The following COBLL1 variants were observed in gnomAD, a reference collection of about 807,000 sequenced individuals.
COBLL1 encodes the protein cordon-bleu WH2 repeat protein like 1.
A neutral mutation model predicts 94.8 loss-of-function variants in COBLL1; 50 were observed. That is an observed-to-expected ratio of 0.53 (90% CI 0.42 to 0.67). The LOEUF (loss-of-function observed/expected upper bound fraction) is 0.67, where lower values mean the gene tolerates loss of function less well. Among genes scored for constraint, COBLL1 ranks in the 30% least tolerant of loss-of-function variants. COBLL1 has a pLI of 0.00. For missense variants in COBLL1, 1,362 were observed against 1,348.7 expected (o/e 1.01, Z -0.15); for synonymous variants, 448 against 473.8 (o/e 0.95, Z 0.71).
chr2:164,840,103 G>A (rs756333547), intron 2 of COBLL1, among the ~76,000 whole-genome samples: 82 of 152,264 alleles, frequency 5.4e-4, no homozygotes, highest in South Asian at 1.0e-3. Context: ...GGAAACGCCT[G>A]TCATGTTCCA....
At chr2:164,686,771 T>C (rs979486394) in intron 13 of COBLL1, among the ~76,000 whole-genome samples, 1 of 152,186 alleles carries the variant, frequency 6.6e-6, no homozygotes, top group Admixed American at 6.5e-5. Flanking sequence ...TAAATACCTA[T>C]ATTTTGAAAC....
At chr2:164,737,788 A>G (rs1264493791) in intron 3 of COBLL1, among the ~76,000 whole-genome samples, 1 of 151,992 alleles carries the variant, frequency 6.6e-6, no homozygotes, top group Non-Finnish European at 1.5e-5. Context: ...CTTTTTCCCA[A>G]TAGGTGGCGC....
chr2:164,780,044 C>T (rs540718905), intron 2 of COBLL1, among the ~76,000 whole-genome samples: 1 of 152,216 alleles, frequency 6.6e-6, no homozygotes, highest in Admixed American at 6.5e-5. Context: ...CTCTGCTATC[C>T]TACAATTCAA....
In COBLL1 at chr2:164,682,466, C is replaced by T. The variant is rs574670340; in HGVS notation, c.*3480G>A. The T allele has an allele frequency of 6.6e-6, 1 of 152,170 alleles. No individual in the cohort carries two copies. The highest frequency in any genetic ancestry group is 1.9e-4 in the East Asian group (1 of 5,166). The allele number at this position is 152,170 out of a possible 1,614,324, so 9.4% of individuals were successfully genotyped here. ...TTGGGACGCTTTGGGTTTTAAGCAC[C>T]TATAAGTAACTAAGTCTCAGGACAA... On this transcript the variant is annotated 3_prime_UTR_variant, in exon 14 of 14. Coordinates refer to ENST00000652658, the MANE Select transcript of COBLL1 (RefSeq NM_001365672.2).
chr2:164,787,327 G>A (rs910767146), intron 2 of COBLL1, among the ~76,000 whole-genome samples: 1 of 152,116 alleles, frequency 6.6e-6, no homozygotes, highest in South Asian at 2.1e-4. Context: ...TGATTATAAT[G>A]TATCAAATAC....
intron 2 of COBLL1, among the ~76,000 whole-genome samples, chr2:164,745,055 G>GA (rs1686798085): frequency 6.6e-6 from 1 of 152,100 alleles, no homozygotes; most frequent in African/African-American, 2.4e-5. Context: ...TTTCCACTCA[G>GA]AAAAATACAG....
rs1423931015 is a variant in COBLL1 at position 164,687,581 on chromosome 2, T to C, written c.3301-1549A>G. 2.5e-6 allele frequency: 3 copies of C among 1,193,236 alleles called. No homozygotes were observed. In the East Asian group the frequency reaches 7.1e-5, roughly 28 times the overall value. The allele number at this position is 1,193,236 out of a possible 1,614,324, so 73.9% of individuals were successfully genotyped here. On this transcript the variant is annotated intron_variant, in intron 13 of 13. Transcript: ENST00000652658. ...TGGGGTTTTCCAAAGGCACCTCGCA[T>C]GCCTGTTTGAAGCCTACATTGGGGT... is the stretch of plus-strand genomic sequence containing the variant.
chr2:164,780,525 G>T (rs551311577), intron 2 of COBLL1, among the ~76,000 whole-genome samples: 1 of 152,072 alleles, frequency 6.6e-6, no homozygotes, highest in Admixed American at 6.5e-5. Context: ...TTTTAGCATG[G>T]TTTCCTCTTG....
At chr2:164,837,243 T>G (rs1233219636) in intron 2 of COBLL1, among the ~76,000 whole-genome samples, 2 of 150,394 alleles carry the variant, frequency 1.3e-5, no homozygotes, top group Non-Finnish European at 3.0e-5. Context: ...TTCGAAGGAT[T>G]TTTTTTTTTA....
At chr2:164,745,588 G>C (rs1315814805) in intron 2 of COBLL1, among the ~76,000 whole-genome samples, 1 of 152,134 alleles carries the variant, frequency 6.6e-6, no homozygotes, top group Non-Finnish European at 1.5e-5. Context: ...AGGATTGACA[G>C]GCAGGCAAAA....
At chr2:164,736,995 A>T (rs1158472318) in intron 3 of COBLL1, among the ~76,000 whole-genome samples, 23 of 152,096 alleles carry the variant, frequency 1.5e-4, no homozygotes, top group Admixed American at 1.5e-3. Flanking sequence ...GTAATCACAA[A>T]AATTTAAAAA....
chr2:164,801,438 C>CAAAAAA lies in COBLL1; in HGVS notation c.41+39712_41+39717dup, dbSNP rs143505097. Among the ~76,000 whole-genome samples the CAAAAAA allele has an allele frequency of 1.2e-3, 35 of 28,208 alleles. 6 individuals carry two copies. The highest frequency in any genetic ancestry group is 2.3e-3 in the South Asian group (1 of 428). The allele number at this position is 28,208 out of a possible 152,430, so 18.5% of individuals were successfully genotyped here. ...TGGGCGACAGAGCGAGACTCCGTCTCAAAAAAAAAAAAAAAAAAAAAAAAA... is the reference window on the plus strand; with the variant it reads ...TGGGCGACAGAGCGAGACTCCGTCTCAAAAAAAAAAAAAAAAAAAAAAAAAAAAAAA... On this transcript the variant is annotated intron_variant, in intron 2 of 13. Coordinates refer to ENST00000652658, the MANE Select transcript of COBLL1 (RefSeq NM_001365672.2).
chr2:164,747,214 T>C (rs1277753204), intron 2 of COBLL1, among the ~76,000 whole-genome samples: 3 of 152,194 alleles, frequency 2.0e-5, no homozygotes, highest in African/African-American at 4.8e-5. Context: ...TAACTGATTA[T>C]GTTTTATTTT....
intron 7 of COBLL1, chr2:164,705,471 C>A (rs552314154): frequency 6.4e-6 from 1 of 157,290 alleles, no homozygotes; most frequent in Non-Finnish European, 1.4e-5. Flanking sequence ...TAGTATTTGG[C>A]TTGATTAAAT....
At chr2:164,791,961 T>G (rs1683211072) in intron 2 of COBLL1, among the ~76,000 whole-genome samples, 1 of 151,980 alleles carries the variant, frequency 6.6e-6, no homozygotes, top group Non-Finnish European at 1.5e-5. Flanking sequence ...ATTTCAATAT[T>G]AAAGTGGGTC....
intron 2 of COBLL1, among the ~76,000 whole-genome samples, chr2:164,781,465 A>G (rs1688720648): frequency 6.6e-6 from 1 of 152,238 alleles, no homozygotes; most frequent in Non-Finnish European, 1.5e-5. Context: ...AGAAGCTTTC[A>G]TGTTCACTGT....
intron 2 of COBLL1, among the ~76,000 whole-genome samples, chr2:164,786,638 C>A (rs1200331394): frequency 1.3e-5 from 2 of 152,078 alleles, no homozygotes; most frequent in African/African-American, 2.4e-5. Flanking sequence ...GCATAAAGAA[C>A]CCGTATGCAG....
At chr2:164,728,508 T>C (rs866533214) in intron 4 of COBLL1, among the ~76,000 whole-genome samples, 2 of 152,068 alleles carry the variant, frequency 1.3e-5, no homozygotes, top group Non-Finnish European at 1.5e-5. Flanking sequence ...CCTTAAAATA[T>C]TTACTTTAAA....
chr2:164,757,091 T>G (rs937440616), intron 2 of COBLL1, among the ~76,000 whole-genome samples: 1 of 152,194 alleles, frequency 6.6e-6, no homozygotes, highest in Admixed American at 6.5e-5. Flanking sequence ...AATTGGTTTG[T>G]GAGGATTTTT....
Sources: allele counts gnomAD v4.1 joint callset (sites outside exome capture counted in the v4.1 genomes callset), GRCh38; gene constraint gnomAD v4.1.1; transcripts MANE v1.5; gene names NCBI Gene and HGNC (gene_info 2026-07-23, HGNC 2026-07-21).